Variants in FSTL4 observed in about 807,000 individuals in gnomAD.
FSTL4 encodes follistatin-related protein 4.
FSTL4 carries 28 observed loss-of-function variants against 78.2 expected under a neutral mutation model. The observed-to-expected ratio is 0.36, with a 90% CI of 0.27 to 0.49. FSTL4 has a LOEUF of 0.49. FSTL4 is among the 20% of genes least tolerant of loss of function. FSTL4 has a pLI of 0.98. For missense variants in FSTL4, 922 were observed against 1,084.9 expected (o/e 0.85, Z 2.11); for synonymous variants, 422 against 440.5 (o/e 0.96, Z 0.53).
intron 3 of FSTL4, among the ~76,000 whole-genome samples, chr5:133,542,330 T>G (rs1181782760): frequency 6.6e-6 from 1 of 152,208 alleles, no homozygotes; most frequent in Non-Finnish European, 1.5e-5. Flanking sequence ...TTGAGATAAA[T>G]CCAAATTGTT....
At position 133,225,892 on chromosome 5, in the gene FSTL4, G is replaced by A; in HGVS notation, c.1016-73C>T. 2.4e-6 allele frequency: 3 copies of A among 1,263,734 alleles called. No homozygotes were observed. The highest frequency in any genetic ancestry group is 3.2e-6 in the Non-Finnish European group (3 of 947,096). 78.3% of individuals were successfully genotyped at this position (1,263,734 alleles called of 1,614,324 possible). A position where few individuals can be genotyped will look rare whatever the true frequency, so the allele number is the denominator to read the frequency against. On this transcript the variant is annotated intron_variant, in intron 8 of 15. Transcript: ENST00000265342. The surrounding 1 kb of genome is among the most constrained non-coding windows in gnomAD (Gnocchi z 4.6). Reference sequence around the variant, plus strand: ...GACTTGGGCCTGTGGCCCAACCTGAGACCCTGCTCCAGAGGGGGTGAACCC... The same window carrying A: ...GACTTGGGCCTGTGGCCCAACCTGAAACCCTGCTCCAGAGGGGGTGAACCC...
chr5:133,398,613 C>T (rs1049153314), intron 4 of FSTL4, among the ~76,000 whole-genome samples: 6 of 152,210 alleles, frequency 3.9e-5, no homozygotes, highest in Admixed American at 2.0e-4. Context: ...TCATGAACAC[C>T]AAATCCATGC....
the FSTL4 span, among the ~76,000 whole-genome samples, chr5:133,636,242 T>G: frequency 6.6e-6 from 1 of 152,172 alleles, no homozygotes; most frequent in Non-Finnish European, 1.5e-5. Context: ...GAGTTTATAG[T>G]CTGGCAGGGA....
At chr5:133,274,646 C>T (rs553726043) in intron 6 of FSTL4, among the ~76,000 whole-genome samples, 9 of 152,252 alleles carry the variant, frequency 5.9e-5, no homozygotes, top group African/African-American at 1.9e-4. Context: ...AGACCGCCCA[C>T]GTGACCCAGA....
At chr5:133,554,957 C>G (rs1025098337) in intron 3 of FSTL4, among the ~76,000 whole-genome samples, 3 of 152,178 alleles carry the variant, frequency 2.0e-5, no homozygotes, top group Non-Finnish European at 4.4e-5. Context: ...CTGTAGCTAT[C>G]AGAAAATGCT....
At chr5:133,493,552 T>C (rs1198906402) in intron 3 of FSTL4, among the ~76,000 whole-genome samples, 2 of 152,188 alleles carry the variant, frequency 1.3e-5, no homozygotes, top group Non-Finnish European at 2.9e-5. Flanking sequence ...GTCTCAGCCT[T>C]AAGTAGAATC....
chr5:133,559,448 T>A (rs988447994), intron 3 of FSTL4, among the ~76,000 whole-genome samples: 4 of 152,134 alleles, frequency 2.6e-5, no homozygotes, highest in African/African-American at 9.7e-5. Flanking sequence ...CCTCAGCAGG[T>A]ATACAGGGAG....
the FSTL4 span, among the ~76,000 whole-genome samples, chr5:133,710,968 T>G: frequency 1.3e-5 from 2 of 152,198 alleles, no homozygotes; most frequent in Non-Finnish European, 2.9e-5. Context: ...AATGAGCAAC[T>G]GAACAGGGGA....
In FSTL4 at chr5:133,354,170, G is replaced by A. The variant is rs551681775; in HGVS notation, c.410-37518C>T. The stretch of plus-strand genomic sequence containing the variant: ...CTATTATAAGGATGGAGAGATAGCC[G>A]CCAAAAAGAAAAAAAAAGCACAGGG... On this transcript the variant is annotated intron_variant, in intron 4 of 15. Transcript: ENST00000265342. Among the ~76,000 whole-genome samples, 13 of 148,654 alleles carry A rather than the reference G, an allele frequency of 8.7e-5. No homozygotes were observed. The South Asian group carries it at 2.5e-3, about 29-fold the overall frequency.
intron 7 of FSTL4, among the ~76,000 whole-genome samples, chr5:133,245,301 T>C (rs2126817647): frequency 6.6e-6 from 1 of 152,256 alleles, no homozygotes; most frequent in East Asian, 1.9e-4. Flanking sequence ...CCCTCACTTC[T>C]GGACCCTCTG....
chr5:133,533,470 T>A (rs553023886), intron 3 of FSTL4, among the ~76,000 whole-genome samples: 6 of 152,182 alleles, frequency 3.9e-5, no homozygotes, highest in African/African-American at 7.2e-5. Context: ...GGTCTTGAAC[T>A]CCTGGCCTCA....
chr5:133,456,006 G>A (rs760469728), intron 3 of FSTL4, among the ~76,000 whole-genome samples: 2 of 152,220 alleles, frequency 1.3e-5, no homozygotes, highest in Non-Finnish European at 2.9e-5. Flanking sequence ...GTAGTGTCTT[G>A]TCATCAGCAA....
At position 133,611,529 on chromosome 5, in the gene FSTL4, C is replaced by T. The variant is rs1205398514; in HGVS notation, c.-11+796G>A. Among the ~76,000 whole-genome samples, 1 of 152,170 alleles carries T rather than the reference C, an allele frequency of 6.6e-6. No individual in the cohort carries two copies. The highest frequency in any genetic ancestry group is 2.4e-5 in the African/African-American group (1 of 41,442). On this transcript the variant is annotated intron_variant, in intron 1 of 15. Coordinates refer to ENST00000265342, the MANE Select transcript of FSTL4 (RefSeq NM_015082.2). This position sits in a 1 kb window ranked among gnomAD's most constrained non-coding sequence, Gnocchi z 4.9. ...CTTTGTTTTGCGGGCGCAAAGAGGG[C>T]GGAGATCATCCACAGTGCAAGCTCT...
the FSTL4 span, among the ~76,000 whole-genome samples, chr5:133,815,178 T>C: frequency 6.6e-6 from 1 of 152,234 alleles, no homozygotes; most frequent in Non-Finnish European, 1.5e-5. Context: ...GTCAGGCTGC[T>C]CTTGGAGTCA....
chr5:133,407,928 G>A (rs1233556579), intron 3 of FSTL4, among the ~76,000 whole-genome samples: 2 of 152,218 alleles, frequency 1.3e-5, no homozygotes, highest in Non-Finnish European at 2.9e-5. Context: ...ATTCAGAGGA[G>A]GACTTGAGGA....
chr5:133,351,063 AT>A (rs1034960181), intron 4 of FSTL4, among the ~76,000 whole-genome samples: 1 of 152,152 alleles, frequency 6.6e-6, no homozygotes, highest in African/African-American at 2.4e-5. Flanking sequence ...GCATATGTAA[AT>A]TTTTTTATTT....
At chr5:133,473,946 G>A (rs1175017211) in intron 3 of FSTL4, among the ~76,000 whole-genome samples, 1 of 152,090 alleles carries the variant, frequency 6.6e-6, no homozygotes, top group Non-Finnish European at 1.5e-5. Flanking sequence ...CTCCCATGAG[G>A]TCCCTCCCCC....
the FSTL4 span, among the ~76,000 whole-genome samples, chr5:133,832,084 G>A: frequency 6.6e-6 from 1 of 152,206 alleles, no homozygotes; most frequent in Admixed American, 6.5e-5. Flanking sequence ...GGCTTACTTA[G>A]CACTTGCGGA....
At chr5:133,201,784 C>A (rs1750327924) in intron 15 of FSTL4, 149 bp downstream of exon 15, 5 of 524,126 alleles carry the variant, frequency 9.5e-6, no homozygotes, top group East Asian at 2.9e-5. Flanking sequence ...TTTTACTGGA[C>A]CTTCTCTGTT....
Sources: gnomAD v4.1 joint callset for allele counts (sites outside exome capture counted in the v4.1 genomes callset) on GRCh38, gnomAD v4.1.1 for gene constraint, Gnocchi (gnomAD v3.1) non-coding constraint, MANE v1.5 for transcripts, NCBI Gene and HGNC (gene_info 2026-07-23, HGNC 2026-07-21) for gene names.